Variants in MAP2 observed in about 807,000 individuals in gnomAD.
MAP2 encodes the protein microtubule associated protein 2.
A neutral mutation model predicts 137.6 loss-of-function variants in MAP2; 14 were observed. The ratio of observed to expected loss-of-function variants is 0.10; its 90% CI spans 0.07 to 0.16. The LOEUF (loss-of-function observed/expected upper bound fraction) is 0.16. Ranked by LOEUF, MAP2 falls within the 10% of genes least tolerant of loss-of-function variation. The pLI, the probability that MAP2 is intolerant of heterozygous loss-of-function variation, is 1.00. For synonymous variants in MAP2, 786 were observed against 782.3 expected (o/e 1.00, Z -0.08); for missense variants, 2,088 against 2,191.5 (o/e 0.95, Z 0.94).
chr2:209,677,253 T>C (rs1257313182), intron 5 of MAP2, among the ~76,000 whole-genome samples: 1 of 151,960 alleles, frequency 6.6e-6, no homozygotes, highest in Non-Finnish European at 1.5e-5. Flanking sequence ...AAAACAAATA[T>C]GCTAATAAGA....
intron 2 of MAP2, among the ~76,000 whole-genome samples, chr2:209,559,809 C>T (rs2071585049): frequency 6.6e-6 from 1 of 151,888 alleles, no homozygotes; most frequent in South Asian, 2.1e-4. Flanking sequence ...CTGTGCCAGT[C>T]CTGGAGTCAG....
At chr2:209,511,749 T>A (rs288044) in intron 2 of MAP2, among the ~76,000 whole-genome samples, 1,772 of 152,162 alleles carry the variant, frequency 0.012, 37 homozygotes, top group African/African-American at 0.041. Flanking sequence ...ATTTTTTATT[T>A]TTTGTAGAGA....
intron 1 of MAP2, among the ~76,000 whole-genome samples, chr2:209,426,568 A>G (rs1692636166): frequency 6.6e-6 from 1 of 152,172 alleles, no homozygotes; most frequent in Non-Finnish European, 1.5e-5. Context: ...GACCCAGTGA[A>G]ACTGGCACAG....
intron 11 of MAP2, among the ~76,000 whole-genome samples, chr2:209,700,801 C>T (rs181314522): frequency 6.6e-6 from 1 of 152,210 alleles, no homozygotes; most frequent in East Asian, 1.9e-4. Context: ...ACACAGCTAT[C>T]ATTTTGATGT....
At chr2:209,541,002 G>GA (rs1350199819) in intron 2 of MAP2, among the ~76,000 whole-genome samples, 1 of 150,968 alleles carries the variant, frequency 6.6e-6, no homozygotes, top group Non-Finnish European at 1.5e-5. Flanking sequence ...ATACCTTAAT[G>GA]AAAAAATACT....
intron 2 of MAP2, among the ~76,000 whole-genome samples, chr2:209,538,282 G>C (rs916163633): frequency 1.3e-5 from 2 of 152,210 alleles, no homozygotes; most frequent in South Asian, 2.1e-4. Context: ...AGAAATGGGA[G>C]AGTAGGTTAA....
intron 1 of MAP2, among the ~76,000 whole-genome samples, chr2:209,488,877 C>T (rs956806460): frequency 9.2e-5 from 14 of 152,228 alleles, no homozygotes; most frequent in Non-Finnish European, 1.8e-4. Flanking sequence ...CCGACTTAAA[C>T]GTTCCTGCCT....
In MAP2 at chr2:209,474,793, T is replaced by C. The variant is rs145862487; in HGVS notation, c.-221-32799T>C. 3.8e-3 allele frequency among the ~76,000 whole-genome samples: 575 copies of C among 152,130 alleles called. 4 individuals are homozygous for C. The highest frequency in any genetic ancestry group is 0.013 in the African/African-American group (560 of 41,540). ...CACAGTGAGTAAAATACATGGAGAT[T>C]GTTACTATATGCATACATATATGCA... is the stretch of plus-strand genomic sequence containing the variant. On this transcript the variant is annotated intron_variant, in intron 1 of 15. Transcript: ENST00000682079.
At chr2:209,565,631 GT>G (rs1470258387) in intron 2 of MAP2, among the ~76,000 whole-genome samples, 1 of 152,072 alleles carries the variant, frequency 6.6e-6, no homozygotes, top group Non-Finnish European at 1.5e-5. Flanking sequence ...CTTATCCAAA[GT>G]TTTTTTCTTT....
chr2:209,592,786 T>A lies in MAP2; in HGVS notation c.-107+12686T>A, dbSNP rs138240204. ...CATTTAACCTATTTGGCAATCAGAC[T>A]ATTTTTAATGATATCTTTTTAATTC... On this transcript the variant is annotated intron_variant, in intron 3 of 15. Transcript: ENST00000682079. 4.0e-3 allele frequency among the ~76,000 whole-genome samples: 615 copies of A among 152,312 alleles called. 5 individuals carry two copies. The highest frequency in any genetic ancestry group is 0.014 in the African/African-American group (580 of 41,574).
intron 2 of MAP2, among the ~76,000 whole-genome samples, chr2:209,565,457 C>T (rs996722739): frequency 2.0e-5 from 3 of 151,928 alleles, no homozygotes; most frequent in East Asian, 1.9e-4. Flanking sequence ...TGGGCTCAAG[C>T]GATCCTCCCA....
chr2:209,730,078 A>G, intron 15 of MAP2, 104 bp from the exon 16 acceptor site: 1 of 1,143,340 alleles, frequency 8.7e-7, no homozygotes, highest in Non-Finnish European at 1.3e-6. Flanking sequence ...TGGGGATAAC[A>G]GAGGTGAATA....
intron 5 of MAP2, among the ~76,000 whole-genome samples, chr2:209,669,602 T>C (rs1404168823): frequency 6.6e-6 from 1 of 152,038 alleles, no homozygotes; most frequent in Non-Finnish European, 1.5e-5. Context: ...TTCCATCATA[T>C]CCTGTCTCAG....
At chr2:209,488,532 C>T (rs1048661253) in intron 1 of MAP2, among the ~76,000 whole-genome samples, 11 of 152,266 alleles carry the variant, frequency 7.2e-5, no homozygotes, top group South Asian at 2.1e-4. Flanking sequence ...AGCTAAGATC[C>T]GCTGGCTTGA....
intron 4 of MAP2, among the ~76,000 whole-genome samples, 187 bp from the exon 5 acceptor site, chr2:209,652,955 G>C (rs963979381): frequency 6.6e-6 from 1 of 152,074 alleles, no homozygotes; most frequent in African/African-American, 2.4e-5. Context: ...TAATATTCCA[G>C]AAATGGTCTG....
chr2:209,694,773 G>A lies in MAP2; in HGVS notation c.2603G>A (p.Gly868Asp). 6.2e-7 allele frequency: 1 copy of A among 1,614,128 alleles called. No homozygotes were observed. The highest frequency in any genetic ancestry group is 8.5e-7 in the Non-Finnish European group (1 of 1,180,028). ...ACGGACAGTCAGCTCGAAGACCTGG[G>A]CTACTGTGTGTTCAATAAGTACACA... ...VKTDSQLEDL[G>D]YCVFNKYTVP... Residue 868 changes from glycine to aspartate, a missense_variant, in exon 8 of 16, where the codon GGC becomes GAC. This residue lies in a region of MAP2 where 500 missense variants were observed against 482.9 expected (regional missense o/e 1.04). Coordinates refer to ENST00000682079, the MANE Select transcript of MAP2 (RefSeq NM_001375505.1).
At chr2:209,497,771 A>G (rs950981231) in intron 1 of MAP2, among the ~76,000 whole-genome samples, 1 of 152,082 alleles carries the variant, frequency 6.6e-6, no homozygotes, top group Non-Finnish European at 1.5e-5. Context: ...ACCAGATCTC[A>G]TGAAAACTCA....
intron 5 of MAP2, among the ~76,000 whole-genome samples, chr2:209,659,272 A>C (rs781544156): frequency 2.6e-5 from 4 of 151,988 alleles, no homozygotes; most frequent in Non-Finnish European, 2.9e-5. Context: ...TCTTGCTCTC[A>C]GGATTAATTT....
At chr2:209,583,040 G>C (rs2076846110) in intron 3 of MAP2, among the ~76,000 whole-genome samples, 2 of 151,860 alleles carry the variant, frequency 1.3e-5, no homozygotes, top group Admixed American at 1.3e-4. Flanking sequence ...TCATTGTCTT[G>C]ATGTTCCATG....
Sources: allele counts gnomAD v4.1 joint callset (sites outside exome capture counted in the v4.1 genomes callset), GRCh38; gene constraint gnomAD v4.1.1; regional missense constraint gnomAD v4.1.1; transcripts MANE v1.5; gene names NCBI Gene and HGNC (gene_info 2026-07-23, HGNC 2026-07-21).